The following BBS2 variants were observed in gnomAD, a reference collection of about 807,000 sequenced individuals.
The protein encoded by BBS2 is Bardet-Biedl syndrome 2, also known as BBSome complex member BBS2.
BBS2 carries 62 observed loss-of-function variants against 83.0 expected under a neutral mutation model. The observed-to-expected ratio is 0.75, with a 90% CI of 0.61 to 0.92. The LOEUF (loss-of-function observed/expected upper bound fraction) is 0.92. BBS2 is among the 40% of genes least tolerant of loss of function. The pLI is 0.00. For synonymous variants in BBS2, 303 were observed against 326.1 expected (o/e 0.93, Z 0.76); for missense variants, 784 against 901.0 (o/e 0.87, Z 1.66).
Position 56,508,707 on chromosome 16 carries a change from G to A in BBS2, c.612+1250C>T, listed in dbSNP as rs143597210. Among the ~76,000 whole-genome samples, 1,395 of 151,184 alleles carry A rather than the reference G, an allele frequency of 9.2e-3. 7 individuals are homozygous for A. Among genetic ancestry groups the A allele is most frequent in the Non-Finnish European group, 0.012 (841 of 68,006 alleles). On this transcript the variant is annotated intron_variant, in intron 5 of 16. Transcript: ENST00000245157. ...TTGCCCCTGGGTGGAATGCAGTGGCGTGATCATAGCTCACTGTAGCCTCAA... is the reference window on the plus strand; with the variant it reads ...TTGCCCCTGGGTGGAATGCAGTGGCATGATCATAGCTCACTGTAGCCTCAA...
At chr16:56,475,525 G>A (rs781520559) in intron 17 of BBS2, 1 of 1,614,046 alleles carries the variant, frequency 6.2e-7, no homozygotes, top group Admixed American at 1.7e-5. Flanking sequence ...CCAGAATATG[G>A]CGGTTTTACT....
chr16:56,511,203 C>G lies in BBS2; in HGVS notation c.427G>C (p.Ala143Pro), dbSNP rs777972305. Residue 143 changes from alanine to proline, a missense_variant, in exon 3 of 17, where the codon GCT becomes CCT. Physicochemically the swap from Ala to Pro is conservative, Grantham distance 27. Transcript: ENST00000245157. Reference protein sequence around the residue: ...SPLAIIGGNCALQGFNHEGSD... With the variant: ...SPLAIIGGNCPLQGFNHEGSD... ...CCTTCATGATTGAAACCTTGCAGAGCACAATTGCCACCAATAATCGCAAGA... is the reference window on the plus strand; with the variant it reads ...CCTTCATGATTGAAACCTTGCAGAGGACAATTGCCACCAATAATCGCAAGA... The G allele has an allele frequency of 6.2e-7, 1 of 1,614,018 alleles. No homozygotes were observed. Among genetic ancestry groups the G allele is most frequent in the African/African-American group, 1.3e-5 (1 of 74,914 alleles).
At position 56,470,644 on chromosome 16, in the gene BBS2, A is replaced by G. The variant is rs1567553721; in HGVS notation, c.*52T>C. The G allele has an allele frequency of 6.2e-7, 1 of 1,614,198 alleles. No homozygotes were observed. Among genetic ancestry groups the G allele is most frequent in the Non-Finnish European group, 8.5e-7 (1 of 1,180,038 alleles). The stretch of plus-strand genomic sequence containing the variant: ...GGAAGAAGATGAGATGAATGATAAA[A>G]AAGAGGCAGAAACCACTGATATCAC... On this transcript the variant is annotated 3_prime_UTR_variant, in exon 18 of 18. Transcript: ENST00000682047.
At chr16:56,513,467 G>A (rs1488528170) in intron 2 of BBS2, among the ~76,000 whole-genome samples, 1 of 152,066 alleles carries the variant, frequency 6.6e-6, no homozygotes, top group Non-Finnish European at 1.5e-5. Context: ...CTGATAAATG[G>A]ATAAATAAAA....
intron 7 of BBS2, 57 bp from the exon 8 acceptor site, chr16:56,502,865 A>G: frequency 6.3e-7 from 1 of 1,595,702 alleles, no homozygotes; most frequent in Non-Finnish European, 8.6e-7. Context: ...AAAACCACAA[A>G]ATTTAAAAAT....
downstream of BBS2, among the ~76,000 whole-genome samples, chr16:56,481,031 G>A (rs1596999295): frequency 1.3e-5 from 2 of 152,286 alleles, no homozygotes; most frequent in East Asian, 3.9e-4. Flanking sequence ...TGTAATGGGT[G>A]TCTTACTGTA....
rs747360333 is a variant in BBS2, at chr16:56,500,833, C to G, written c.1397+21G>C. On this transcript the variant is annotated intron_variant, in intron 11 of 16. Transcript: ENST00000245157. ...CCTCTAAGTGCTGTCCTGAAATGAA[C>G]TGTGACTTGCAAAGGGTCACCTGCT... 1.9e-6 allele frequency: 3 copies of G among 1,613,242 alleles called. No individual in the cohort carries two copies. The East Asian group carries it at 6.7e-5, about 36-fold the overall frequency.
At position 56,484,840 on chromosome 16, in the gene BBS2, G is replaced by A. The variant is rs780369177; in HGVS notation, c.2087C>T (p.Thr696Ile). The A allele has an allele frequency of 2.5e-6, 4 of 1,613,932 alleles. No homozygotes were observed. The African/African-American group carries it at 5.3e-5, about 22-fold the overall frequency. The part of the protein sequence containing the change: ...RVGKPKNQVI[T>I]ACRDAIRSNN... The stretch of plus-strand genomic sequence containing the variant: ...GCTTCGAATTGCATCCCGACAAGCA[G>A]TGATCACCTGGTTCTTTGGTTTTCC... Residue 696 changes from threonine to isoleucine, a missense_variant, in exon 17 of 17, where the codon ACT becomes ATT. Physicochemically the swap from Thr to Ile is moderately conservative, Grantham distance 89. Transcript: ENST00000245157.
chr16:56,497,102 A>T, intron 14 of BBS2, 23 bp from the exon 15 acceptor site: 1 of 1,483,418 alleles, frequency 6.7e-7, no homozygotes, highest in Non-Finnish European at 9.4e-7. Context: ...AACACTCAGG[A>T]ATGAAAAAGG....
intron 4 of BBS2, among the ~76,000 whole-genome samples, 190 bp from the exon 5 acceptor site, chr16:56,510,224 C>G (rs950551374): frequency 1.3e-5 from 2 of 152,336 alleles, no homozygotes; most frequent in African/African-American, 2.4e-5. Flanking sequence ...AATGAAGGAA[C>G]AGGGGCTACT....
intron 15 of BBS2, among the ~76,000 whole-genome samples, chr16:56,490,605 C>T (rs1234309139): frequency 6.6e-6 from 1 of 151,740 alleles, no homozygotes; most frequent in African/African-American, 2.4e-5. Context: ...CACGCCACTG[C>T]ACTCCAGGCT....
chr16:56,513,820 TTAAG>T (rs1299794589), intron 2 of BBS2, among the ~76,000 whole-genome samples: 1 of 152,180 alleles, frequency 6.6e-6, no homozygotes, highest in Non-Finnish European at 1.5e-5. Flanking sequence ...ATTGTATACT[TTAAG>T]TAGGTTAGTT....
intron 7 of BBS2, among the ~76,000 whole-genome samples, chr16:56,503,898 G>A (rs1359894674): frequency 5.5e-5 from 8 of 146,144 alleles, no homozygotes; most frequent in African/African-American, 2.1e-4. Flanking sequence ...CAGCCTGGGT[G>A]ACAAAGCGAG....
intron 15 of BBS2, among the ~76,000 whole-genome samples, chr16:56,488,623 C>T (rs1211294512): frequency 1.3e-5 from 2 of 152,192 alleles, no homozygotes; most frequent in East Asian, 3.9e-4. Flanking sequence ...TCTCTGAATG[C>T]TGTCCCTTTG....
intron 12 of BBS2, 180 bp from the exon 13 acceptor site, chr16:56,498,748 T>TACTA: frequency 6.7e-7 from 1 of 1,490,856 alleles, no homozygotes; most frequent in South Asian, 1.3e-5. Context: ...ACCAAGAAAA[T>TACTA]ACTAAAACAC....
At chr16:56,486,013 G>A (rs1963766718) in intron 15 of BBS2, among the ~76,000 whole-genome samples, 1 of 152,216 alleles carries the variant, frequency 6.6e-6, no homozygotes, top group African/African-American at 2.4e-5. Flanking sequence ...TGTGCTGGGA[G>A]TAGGGACAAG....
chr16:56,498,989 T>C (rs909817435), intron 12 of BBS2: 3 of 296,330 alleles, frequency 1.0e-5, no homozygotes, highest in Non-Finnish European at 1.3e-5. Flanking sequence ...CTTTAAGAAA[T>C]GTAAAATGAA....
chr16:56,490,952 A>G (rs1001051830), intron 15 of BBS2, among the ~76,000 whole-genome samples: 4 of 151,852 alleles, frequency 2.6e-5, no homozygotes, highest in African/African-American at 9.7e-5. Context: ...TAGTAGAGAC[A>G]GGGTTTCACC....
At chr16:56,475,688 G>A (rs1963438359) in intron 17 of BBS2, 1 of 775,608 alleles carries the variant, frequency 1.3e-6, no homozygotes, top group Non-Finnish European at 2.1e-6. Flanking sequence ...CCAGGCAATG[G>A]TTCTAATTTC....
Sources: allele counts gnomAD v4.1 joint callset (sites outside exome capture counted in the v4.1 genomes callset), GRCh38; gene constraint gnomAD v4.1.1; transcripts MANE v1.5; gene names NCBI Gene and HGNC (gene_info 2026-07-23, HGNC 2026-07-21).